Variants in TRHDE observed in about 807,000 individuals in gnomAD.
TRHDE encodes the protein thyrotropin releasing hormone degrading enzyme.
TRHDE carries 72 observed loss-of-function variants against 125.7 expected under a neutral mutation model. The ratio of observed to expected loss-of-function variants is 0.57; its 90% CI spans 0.47 to 0.70. The LOEUF is 0.70. TRHDE is among the 30% of genes least tolerant of loss of function. The probability of loss-of-function intolerance (pLI) is 0.00; values close to 1 mark genes in which losing one functional copy is unlikely to be tolerated. For missense variants in TRHDE, 1,110 were observed against 1,327.1 expected, an observed-to-expected ratio of 0.84 and a Z score of 2.54; for synonymous variants, 509 against 509.1, an observed-to-expected ratio of 1.00 and a Z score of 0.00.
At chr12:72,389,128 A>G (rs2135788992) in intron 3 of TRHDE, among the ~76,000 whole-genome samples, 1 of 152,262 alleles carries the variant, frequency 6.6e-6, no homozygotes, top group South Asian at 2.1e-4. Context: ...AAAATAGAGC[A>G]GAGAAGAAAG....
intron 3 of TRHDE, among the ~76,000 whole-genome samples, chr12:72,407,532 A>C (rs2135810101): frequency 1.3e-5 from 2 of 152,348 alleles, no homozygotes. Context: ...CATTTGGGTC[A>C]ACATTTGCAC....
intron 10 of TRHDE, among the ~76,000 whole-genome samples, chr12:72,570,969 A>C (rs1252433822): frequency 8.1e-6 from 1 of 123,832 alleles, no homozygotes; most frequent in East Asian, 2.6e-4. Flanking sequence ...CAGATTGCCC[A>C]TACGAAGATA....
intron 3 of TRHDE, among the ~76,000 whole-genome samples, chr12:72,394,489 T>A (rs1409616528): frequency 1.3e-5 from 2 of 152,180 alleles, no homozygotes; most frequent in East Asian, 3.8e-4. Context: ...TGAGTCTTTT[T>A]CACATATATA....
At chr12:72,299,227 G>C (rs1880415547) in intron 2 of TRHDE, among the ~76,000 whole-genome samples, 1 of 152,130 alleles carries the variant, frequency 6.6e-6, no homozygotes, top group South Asian at 2.1e-4. Context: ...ATTCTTGGAA[G>C]GCCTTTGTAC....
intron 2 of TRHDE, among the ~76,000 whole-genome samples, chr12:72,123,156 G>T (rs189705804): frequency 1.0e-3 from 157 of 152,194 alleles, no homozygotes; most frequent in African/African-American, 3.5e-3. Flanking sequence ...AACAGGTTGT[G>T]GTAGTGCTGT....
At chr12:72,261,120 TCTTTC>T in intron 2 of TRHDE, among the ~76,000 whole-genome samples, 1 of 152,218 alleles carries the variant, frequency 6.6e-6, no homozygotes, top group Admixed American at 6.5e-5. Context: ...TTTCCCCCTT[TCTTTC>T]CTTTTCTTGA....
intron 3 of TRHDE, among the ~76,000 whole-genome samples, chr12:72,461,776 A>G (rs1592462704): frequency 6.6e-6 from 1 of 152,190 alleles, no homozygotes. Flanking sequence ...CTATAATGGA[A>G]CATATTAACC....
At chr12:72,473,015 G>A in intron 4 of TRHDE, 52 bp from the exon 5 acceptor site, 5 of 1,322,356 alleles carry the variant, frequency 3.8e-6, no homozygotes, top group African/African-American at 1.4e-5. Flanking sequence ...AGATAAAATA[G>A]TTTGGGGATA....
chr12:72,567,256 T>G (rs964889815), intron 9 of TRHDE, among the ~76,000 whole-genome samples: 22 of 151,992 alleles, frequency 1.4e-4, no homozygotes, highest in Non-Finnish European at 2.7e-4. Context: ...CCAGACCGAT[T>G]GTATGGAGTC....
chr12:72,206,827 ATACT>A (rs1466852363), intron 2 of TRHDE, among the ~76,000 whole-genome samples: 1 of 151,844 alleles, frequency 6.6e-6, no homozygotes, highest in African/African-American at 2.4e-5. Context: ...CAACATGTAA[ATACT>A]TATATATAAT....
At chr12:72,451,333 T>C (rs1875559222) in intron 3 of TRHDE, among the ~76,000 whole-genome samples, 1 of 150,486 alleles carries the variant, frequency 6.6e-6, no homozygotes, top group Non-Finnish European at 1.5e-5. Context: ...AATTTCATTA[T>C]TCTGCATGTG....
At chr12:72,222,660 TA>T (rs1250692739) in intron 2 of TRHDE, among the ~76,000 whole-genome samples, 1 of 152,162 alleles carries the variant, frequency 6.6e-6, no homozygotes, top group Non-Finnish European at 1.5e-5. Context: ...TTTTGCTTAC[TA>T]GTGTCCTTCA....
intron 3 of TRHDE, among the ~76,000 whole-genome samples, chr12:72,457,961 A>C (rs1158773510): frequency 6.6e-6 from 1 of 152,164 alleles, no homozygotes; most frequent in East Asian, 1.9e-4. Flanking sequence ...AGAGCTATTC[A>C]AACCGCTAAA....
intron 2 of TRHDE, among the ~76,000 whole-genome samples, chr12:72,322,867 G>C (rs150518116): frequency 9.2e-5 from 14 of 152,064 alleles, no homozygotes; most frequent in African/African-American, 2.4e-5. Context: ...GTGGATATAG[G>C]GGGTGCAGAA....
intron 1 of TRHDE, among the ~76,000 whole-genome samples, chr12:72,095,971 T>G (rs1446721074): frequency 1.3e-5 from 2 of 152,210 alleles, no homozygotes; most frequent in African/African-American, 2.4e-5. Context: ...TGACTTCCCC[T>G]GAGCAAGAAG....
rs377161616 is a variant in TRHDE, at chr12:72,280,957, T to G, written c.915-5724T>G. Among the ~76,000 whole-genome samples the G allele has an allele frequency of 3.6e-4, 55 of 152,320 alleles. 1 individual carries two copies. The South Asian group carries it at 0.011, about 29-fold the overall frequency. On this transcript the variant is annotated intron_variant, in intron 1 of 18. Coordinates refer to ENST00000261180, the MANE Select transcript of TRHDE (RefSeq NM_013381.3). ...AATTTTATTTATTTTTATGAAAACCTAATATTATGACCTGGGAAAGTCATT... is the reference window on the plus strand; with the variant it reads ...AATTTTATTTATTTTTATGAAAACCGAATATTATGACCTGGGAAAGTCATT...
chr12:72,203,923 G>C (rs931236835), intron 2 of TRHDE, among the ~76,000 whole-genome samples: 4 of 152,000 alleles, frequency 2.6e-5, no homozygotes, highest in Admixed American at 2.6e-4. Context: ...ACCCATCCCC[G>C]CTTTCCCAAT....
chr12:72,342,737 TTTTC>T lies in TRHDE; in HGVS notation c.1189-35251_1189-35248del, dbSNP rs1179939103. Among the ~76,000 whole-genome samples the T allele has an allele frequency of 1.4e-4, 22 of 152,238 alleles. 1 individual carries two copies. Among genetic ancestry groups the T allele is most frequent in the African/African-American group, 5.3e-4 (22 of 41,568 alleles). On this transcript the variant is annotated intron_variant, in intron 2 of 18. Coordinates refer to ENST00000261180, the MANE Select transcript of TRHDE (RefSeq NM_013381.3). Reference sequence around the variant, plus strand: ...ATAGGAATTAGAACACATTCATTGATTTTCTTTCTTCACTATAATGTTGTGTAAT... The same window carrying T: ...ATAGGAATTAGAACACATTCATTGATTTTCTTCACTATAATGTTGTGTAAT...
At chr12:72,285,135 TA>T (rs2139425703) in intron 1 of TRHDE, among the ~76,000 whole-genome samples, 1 of 152,276 alleles carries the variant, frequency 6.6e-6, no homozygotes, top group South Asian at 2.1e-4. Context: ...AATTTAAAAA[TA>T]GTGTAAAATT....
Sources: allele counts gnomAD v4.1 joint callset (sites outside exome capture counted in the v4.1 genomes callset), GRCh38; gene constraint gnomAD v4.1.1; transcripts MANE v1.5; gene names NCBI Gene and HGNC (gene_info 2026-07-23, HGNC 2026-07-21).